DGKB: variants seen among roughly 807,000 people sequenced by gnomAD.
DGKB encodes the protein diacylglycerol kinase beta, also known as 90 kDa diacylglycerol kinase.
Under a neutral mutation model 114.3 loss-of-function variants are expected in DGKB, and 67 were observed. The ratio of observed to expected loss-of-function variants is 0.59; its 90% CI spans 0.48 to 0.72. The LOEUF (loss-of-function observed/expected upper bound fraction) is 0.72, where lower values mean the gene tolerates loss of function less well. Ranked by LOEUF, DGKB falls within the 30% of genes least tolerant of loss-of-function variation. DGKB has a pLI of 0.00. For missense variants in DGKB, 907 were observed against 975.2 expected (o/e 0.93, Z 0.93); for synonymous variants, 398 against 323.1 (o/e 1.23, Z -2.49).
At chr7:14,864,601 T>C (rs986802596) in intron 1 of DGKB, among the ~76,000 whole-genome samples, 30 of 152,178 alleles carry the variant, frequency 2.0e-4, no homozygotes, top group African/African-American at 7.0e-4. Flanking sequence ...TAGGAAACAA[T>C]TGATTCCGGG....
chr7:14,813,509 C>T (rs995382238), intron 2 of DGKB, among the ~76,000 whole-genome samples: 1 of 152,130 alleles, frequency 6.6e-6, no homozygotes, highest in Non-Finnish European at 1.5e-5. Flanking sequence ...ATATTTTCTC[C>T]CCAGAGAACA....
At chr7:14,593,516 A>C (rs890906443) in intron 17 of DGKB, among the ~76,000 whole-genome samples, 1 of 152,018 alleles carries the variant, frequency 6.6e-6, no homozygotes, top group Non-Finnish European at 1.5e-5. Context: ...TTTAGTTGAA[A>C]TATCCTTGCC....
intron 25 of DGKB, among the ~76,000 whole-genome samples, chr7:14,166,555 G>T (rs926489493): frequency 1.3e-5 from 2 of 152,122 alleles, no homozygotes; most frequent in Non-Finnish European, 1.5e-5. Context: ...TGGTGTGGGG[G>T]TGTGGGTTCC....
intron 23 of DGKB, among the ~76,000 whole-genome samples, chr7:14,284,295 T>G (rs1800468931): frequency 6.9e-6 from 1 of 145,188 alleles, no homozygotes; most frequent in South Asian, 2.1e-4. Context: ...GAAATGCAAA[T>G]CAAAACCACA....
At chr7:14,697,915 AAGAG>A (rs1019756895) in intron 8 of DGKB, among the ~76,000 whole-genome samples, 176 bp downstream of exon 8, 1 of 150,072 alleles carries the variant, frequency 6.7e-6, no homozygotes, top group African/African-American at 2.5e-5. Flanking sequence ...AGAAGGAAGG[AAGAG>A]AGAGAAAGAA....
chr7:14,627,651 A>C (rs934534268), intron 14 of DGKB, among the ~76,000 whole-genome samples: 5 of 151,882 alleles, frequency 3.3e-5, no homozygotes, highest in Admixed American at 3.3e-4. Flanking sequence ...TATATACAAA[A>C]GAAGACTTTG....
At chr7:14,899,161 C>G (rs1347969947) in intron 1 of DGKB, among the ~76,000 whole-genome samples, 1 of 152,052 alleles carries the variant, frequency 6.6e-6, no homozygotes, top group African/African-American at 2.4e-5. Context: ...CTAAATGAAC[C>G]ATTTTGTTTT....
intron 22 of DGKB, 107 bp downstream of exon 22, chr7:14,345,194 T>C (rs1812277453): frequency 1.6e-6 from 1 of 622,532 alleles, no homozygotes; most frequent in South Asian, 2.1e-5. Context: ...TAAGTCTCTG[T>C]GGATTGCTAA....
chr7:14,491,094 C>T (rs905729623), intron 20 of DGKB, among the ~76,000 whole-genome samples: 4 of 152,020 alleles, frequency 2.6e-5, no homozygotes, highest in African/African-American at 9.7e-5. Flanking sequence ...CAATCCATGA[C>T]TCATGGTGCT....
chr7:14,184,728 T>G (rs1783142566), intron 23 of DGKB, among the ~76,000 whole-genome samples: 1 of 152,036 alleles, frequency 6.6e-6, no homozygotes, highest in South Asian at 2.1e-4. Flanking sequence ...GCATATAATC[T>G]TGGGAGTTCT....
At chr7:14,723,220 G>C (rs1162024230) in intron 5 of DGKB, among the ~76,000 whole-genome samples, 1 of 152,086 alleles carries the variant, frequency 6.6e-6, no homozygotes, top group Non-Finnish European at 1.5e-5. Flanking sequence ...GACTACAGCT[G>C]AGATGGTAAA....
intron 13 of DGKB, among the ~76,000 whole-genome samples, chr7:14,667,917 G>A (rs76104388): frequency 1.9e-3 from 285 of 152,120 alleles, no homozygotes; most frequent in African/African-American, 6.4e-3. Flanking sequence ...TACGAGACCC[G>A]AAGGGCTTGA....
chr7:14,227,138 G>T (rs1255088936), intron 23 of DGKB, among the ~76,000 whole-genome samples: 1 of 152,022 alleles, frequency 6.6e-6, no homozygotes, highest in Non-Finnish European at 1.5e-5. Flanking sequence ...AGAAGTCCAG[G>T]GTTAGAATAC....
At chr7:14,578,015 C>T (rs1458169463) in intron 19 of DGKB, among the ~76,000 whole-genome samples, 1 of 152,148 alleles carries the variant, frequency 6.6e-6, no homozygotes, top group Non-Finnish European at 1.5e-5. Context: ...CCATAATCCC[C>T]ACGTGTCAAG....
At chr7:14,332,943 G>A (rs1809984657) in intron 23 of DGKB, among the ~76,000 whole-genome samples, 1 of 152,134 alleles carries the variant, frequency 6.6e-6, no homozygotes, top group South Asian at 2.1e-4. Context: ...GAGGTTTCAA[G>A]CAGAAAGTCC....
intron 23 of DGKB, among the ~76,000 whole-genome samples, chr7:14,306,419 G>T (rs1294397416): frequency 6.6e-6 from 1 of 152,002 alleles, no homozygotes; most frequent in Non-Finnish European, 1.5e-5. Context: ...AGAGCCAGCT[G>T]GGGTTTTAAA....
At chr7:14,787,459 C>A (rs1840060859) in intron 2 of DGKB, among the ~76,000 whole-genome samples, 1 of 152,040 alleles carries the variant, frequency 6.6e-6, no homozygotes, top group African/African-American at 2.4e-5. Flanking sequence ...GACTTCAAAG[C>A]AATATGGTGA....
chr7:14,920,535 T>A (rs930145827), intron 1 of DGKB, among the ~76,000 whole-genome samples: 3 of 152,314 alleles, frequency 2.0e-5, no homozygotes, highest in African/African-American at 7.2e-5. Flanking sequence ...AGAACTTCAT[T>A]CATTGCTAGT....
intron 2 of DGKB, among the ~76,000 whole-genome samples, chr7:14,777,744 T>C (rs565813722): frequency 6.6e-6 from 1 of 152,292 alleles, no homozygotes; most frequent in South Asian, 2.1e-4. Flanking sequence ...GACTAATACA[T>C]ACACATTTAG....
Sources: gnomAD v4.1 joint callset for allele counts (sites outside exome capture counted in the v4.1 genomes callset) on GRCh38, gnomAD v4.1.1 for gene constraint, MANE v1.5 for transcripts, NCBI Gene and HGNC (gene_info 2026-07-23, HGNC 2026-07-21) for gene names.